NCKAP5: variants seen among roughly 807,000 people sequenced by gnomAD.
NCKAP5 encodes NCK associated protein 5, also known as nck-associated protein 5.
In NCKAP5, 92 loss-of-function variants were observed where a neutral mutation model predicts 167.0. The ratio of observed to expected loss-of-function variants is 0.55; its 90% CI spans 0.47 to 0.66. The LOEUF (loss-of-function observed/expected upper bound fraction) is 0.66. Ranked by LOEUF, NCKAP5 falls within the 30% of genes least tolerant of loss-of-function variation. NCKAP5 has a pLI of 0.00. For missense variants in NCKAP5, 2,378 were observed against 2,315.0 expected (o/e 1.03, Z -0.56); for synonymous variants, 891 against 877.4 (o/e 1.02, Z -0.27).
At chr2:133,110,453 G>C (rs763313583) in intron 6 of NCKAP5, among the ~76,000 whole-genome samples, 1 of 152,132 alleles carries the variant, frequency 6.6e-6, no homozygotes, top group Non-Finnish European at 1.5e-5. Context: ...TTAGTGCAGG[G>C]GACACTGGGG....
intron 3 of NCKAP5, among the ~76,000 whole-genome samples, chr2:133,408,960 A>G (rs776951327): frequency 3.3e-5 from 5 of 152,234 alleles, no homozygotes; most frequent in African/African-American, 9.6e-5. Context: ...CAGCTGACAC[A>G]CAGGACTATG....
chr2:132,691,699 A>C (rs1686749536), intron 19 of NCKAP5, among the ~76,000 whole-genome samples: 1 of 152,106 alleles, frequency 6.6e-6, no homozygotes, highest in Admixed American at 6.6e-5. Flanking sequence ...TAAATCACAA[A>C]TGACATCTCC....
chr2:133,288,803 C>T (rs1679351974), intron 4 of NCKAP5, among the ~76,000 whole-genome samples: 1 of 152,112 alleles, frequency 6.6e-6, no homozygotes, highest in African/African-American at 2.4e-5. Flanking sequence ...TAATATCTGC[C>T]TTCTTTCAAG....
intron 3 of NCKAP5, among the ~76,000 whole-genome samples, chr2:133,381,332 T>C (rs1474240412): frequency 6.6e-6 from 1 of 152,162 alleles, no homozygotes; most frequent in Non-Finnish European, 1.5e-5. Flanking sequence ...AGTTAGCACT[T>C]AAGAAGAAAC....
chr2:132,801,354 T>C (rs1685016137), intron 11 of NCKAP5, among the ~76,000 whole-genome samples: 1 of 152,180 alleles, frequency 6.6e-6, no homozygotes, highest in Admixed American at 6.5e-5. Flanking sequence ...CTGACACAGT[T>C]CTCTTGGCAG....
chr2:133,240,738 A>C (rs531981810), intron 4 of NCKAP5, among the ~76,000 whole-genome samples: 1 of 152,332 alleles, frequency 6.6e-6, no homozygotes, highest in South Asian at 2.1e-4. Context: ...CCAAGCTGGC[A>C]TATGGCAGTT....
intron 3 of NCKAP5, among the ~76,000 whole-genome samples, chr2:133,455,664 C>T (rs1231271395): frequency 6.6e-6 from 1 of 152,030 alleles, no homozygotes; most frequent in Non-Finnish European, 1.5e-5. Flanking sequence ...ACTTCTAATA[C>T]CATCACCATA....
At chr2:132,821,645 C>A (rs1291551478) in intron 11 of NCKAP5, among the ~76,000 whole-genome samples, 11 of 152,134 alleles carry the variant, frequency 7.2e-5, no homozygotes, top group Admixed American at 7.2e-4. Context: ...GAAAGCCATG[C>A]TTGCTTTCTC....
intron 6 of NCKAP5, among the ~76,000 whole-genome samples, chr2:133,062,850 AAAG>A (rs1386732196): frequency 6.6e-6 from 1 of 152,242 alleles, no homozygotes; most frequent in Admixed American, 6.5e-5. Flanking sequence ...TTATAAAACC[AAAG>A]AAGATTCAGT....
chr2:132,979,996 CTT>C (rs1273323851), intron 7 of NCKAP5, among the ~76,000 whole-genome samples: 38 of 134,568 alleles, frequency 2.8e-4, no homozygotes, highest in Non-Finnish European at 2.4e-4. Flanking sequence ...TTTTCTTTTT[CTT>C]TTTTTTTTTT....
intron 16 of NCKAP5, among the ~76,000 whole-genome samples, chr2:132,753,693 G>A (rs562698144): frequency 6.6e-6 from 1 of 152,308 alleles, no homozygotes; most frequent in Admixed American, 6.5e-5. Context: ...GGTTTTGAGG[G>A]AATGTTTTTC....
chr2:133,651,712 T>C, the NCKAP5 span, among the ~76,000 whole-genome samples: 1 of 152,222 alleles, frequency 6.6e-6, no homozygotes, highest in Admixed American at 6.5e-5. Context: ...AGCAGTCTCA[T>C]GTGTATTACA....
intron 19 of NCKAP5, 37 bp downstream of exon 19, chr2:132,725,590 A>T (rs751199411): frequency 2.5e-6 from 4 of 1,582,400 alleles, no homozygotes; most frequent in South Asian, 1.2e-5. Context: ...TCCCAGAGAG[A>T]GGAACCTGCA....
the NCKAP5 span, among the ~76,000 whole-genome samples, chr2:133,638,201 A>G: frequency 4.4e-3 from 674 of 152,340 alleles, 1 homozygote; most frequent in Non-Finnish European, 5.6e-3. Flanking sequence ...AGAAAGTCTG[A>G]AAAAATTGGT....
At chr2:133,119,666 TA>T (rs2082191869) in intron 6 of NCKAP5, among the ~76,000 whole-genome samples, 1 of 152,130 alleles carries the variant, frequency 6.6e-6, no homozygotes, top group Non-Finnish European at 1.5e-5. Flanking sequence ...ATCTATTATC[TA>T]TCAATAAATT....
At chr2:133,044,396 C>T (rs1048405414) in intron 6 of NCKAP5, among the ~76,000 whole-genome samples, 3 of 151,896 alleles carry the variant, frequency 2.0e-5, no homozygotes, top group African/African-American at 7.3e-5. Context: ...ACAAACAATC[C>T]AAGGAAAATA....
intron 5 of NCKAP5, among the ~76,000 whole-genome samples, chr2:133,138,714 T>C (rs1035599878): frequency 9.9e-5 from 15 of 152,194 alleles, no homozygotes; most frequent in African/African-American, 3.6e-4. Context: ...ATTTTAAATA[T>C]AAGTTGGATT....
chr2:133,648,366 C>T, the NCKAP5 span, among the ~76,000 whole-genome samples: 2 of 152,034 alleles, frequency 1.3e-5, no homozygotes, highest in East Asian at 1.9e-4. Context: ...ATAAAAGATC[C>T]GTAAGGAATC....
intron 19 of NCKAP5, among the ~76,000 whole-genome samples, chr2:132,722,283 C>G (rs1032283923): frequency 6.6e-6 from 1 of 152,198 alleles, no homozygotes; most frequent in Non-Finnish European, 1.5e-5. Flanking sequence ...CCATCCTCCC[C>G]CTCCATTCCT....
Sources: gnomAD v4.1 joint callset for allele counts (sites outside exome capture counted in the v4.1 genomes callset) on GRCh38, gnomAD v4.1.1 for gene constraint, MANE v1.5 for transcripts, NCBI Gene and HGNC (gene_info 2026-07-23, HGNC 2026-07-21) for gene names.